The following PKP4 variants were observed in gnomAD, a reference collection of about 807,000 sequenced individuals.
The protein encoded by PKP4 is plakophilin-4.
PKP4 carries 90 observed loss-of-function variants against 145.1 expected under a neutral mutation model. That is an observed-to-expected ratio of 0.62 (90% CI 0.52 to 0.74). PKP4 has a LOEUF of 0.74. Ranked by LOEUF, PKP4 falls within the 30% of genes least tolerant of loss-of-function variation. PKP4 has a pLI of 0.00. For synonymous variants in PKP4, 563 were observed against 577.2 expected (o/e 0.98, Z 0.35); for missense variants, 1,340 against 1,482.7 (o/e 0.90, Z 1.58).
At chr2:158,463,138 A>C (rs1375928977) in intron 1 of PKP4, among the ~76,000 whole-genome samples, 2 of 152,210 alleles carry the variant, frequency 1.3e-5, no homozygotes, top group African/African-American at 4.8e-5. Flanking sequence ...AATCCAGCAC[A>C]GTAATTAAGG....
chr2:158,525,828 A>C (rs948246769), intron 1 of PKP4, among the ~76,000 whole-genome samples: 5 of 147,226 alleles, frequency 3.4e-5, no homozygotes, highest in Admixed American at 2.7e-4. Flanking sequence ...CAGAAATACA[A>C]ACTACCATCA....
At chr2:158,475,493 C>G (rs1559192534) in intron 1 of PKP4, among the ~76,000 whole-genome samples, 1 of 152,226 alleles carries the variant, frequency 6.6e-6, no homozygotes, top group Non-Finnish European at 1.5e-5. Context: ...CAGATTCTGT[C>G]TGTGCTCTGT....
At chr2:158,484,997 C>T (rs965533759) in intron 1 of PKP4, among the ~76,000 whole-genome samples, 1 of 152,176 alleles carries the variant, frequency 6.6e-6, no homozygotes, top group Non-Finnish European at 1.5e-5. Context: ...CAGTTCTCCC[C>T]AAGTGCCAGA....
intron 1 of PKP4, among the ~76,000 whole-genome samples, chr2:158,523,060 G>T: frequency 6.6e-6 from 1 of 152,020 alleles, no homozygotes; most frequent in Non-Finnish European, 1.5e-5. Context: ...GGGGAGGGGC[G>T]CCCGCCATTG....
At chr2:158,478,415 T>C (rs145774343) in intron 1 of PKP4, among the ~76,000 whole-genome samples, 2 of 152,276 alleles carry the variant, frequency 1.3e-5, no homozygotes, top group Non-Finnish European at 2.9e-5. Context: ...TTTTACATTC[T>C]TGTGTTTAAA....
At chr2:158,599,823 C>A (rs1007190287) in intron 3 of PKP4, among the ~76,000 whole-genome samples, 1 of 152,194 alleles carries the variant, frequency 6.6e-6, no homozygotes, top group Non-Finnish European at 1.5e-5. Flanking sequence ...CACCCTATCT[C>A]CACATGTGGC....
intron 2 of PKP4, among the ~76,000 whole-genome samples, chr2:158,575,261 C>G (rs2047747731): frequency 6.6e-6 from 1 of 152,176 alleles, no homozygotes; most frequent in Non-Finnish European, 1.5e-5. Flanking sequence ...AGAGAGAAAA[C>G]AAGTGTCCTC....
chr2:158,580,283 T>A (rs1263270603), intron 3 of PKP4, among the ~76,000 whole-genome samples: 1 of 152,324 alleles, frequency 6.6e-6, no homozygotes, highest in East Asian at 1.9e-4. Flanking sequence ...TTTTTTGTGG[T>A]TCCTGTCTGG....
chr2:158,681,169 T>A lies in PKP4; in HGVS notation c.*492T>A, dbSNP rs1003725434. 3 of 153,612 alleles carry A rather than the reference T, an allele frequency of 2.0e-5. No individual in the cohort carries two copies. Among genetic ancestry groups the A allele is most frequent in the Non-Finnish European group, 4.4e-5 (3 of 68,732 alleles). The allele number at this position is 153,612 out of a possible 1,614,324, so 9.5% of individuals were successfully genotyped here. A position where few individuals can be genotyped will look rare whatever the true frequency, so the allele number is the denominator to read the frequency against. ...GCCACATTGGTTAAGTGCCATCATT[T>A]GTAATGCAATGTGTCACTTGAAAAG... On this transcript the variant is annotated 3_prime_UTR_variant, in exon 22 of 22. Transcript: ENST00000389759.
chr2:158,668,874 G>A (rs1029646396), intron 16 of PKP4, among the ~76,000 whole-genome samples: 5 of 152,188 alleles, frequency 3.3e-5, no homozygotes, highest in African/African-American at 9.7e-5. Context: ...TAGCATAGGG[G>A]AGAACTAAGA....
chr2:158,550,541 G>A (rs796346250), intron 2 of PKP4, among the ~76,000 whole-genome samples: 15 of 152,296 alleles, frequency 9.8e-5, no homozygotes, highest in African/African-American at 3.4e-4. Flanking sequence ...ACTCCCTGAT[G>A]GGGTGTGATT....
At chr2:158,514,676 C>T (rs1445456258) in intron 1 of PKP4, among the ~76,000 whole-genome samples, 4 of 152,150 alleles carry the variant, frequency 2.6e-5, no homozygotes, top group East Asian at 3.9e-4. Flanking sequence ...TGTGGTGGCT[C>T]ACGCCTGTAA....
At chr2:158,483,352 T>C (rs1693652320) in intron 1 of PKP4, among the ~76,000 whole-genome samples, 1 of 137,812 alleles carries the variant, frequency 7.3e-6, no homozygotes, top group African/African-American at 2.7e-5. Context: ...AACAGATTGC[T>C]CTTCATTGCT....
At chr2:158,614,760 A>G (rs1405377341) in intron 4 of PKP4, among the ~76,000 whole-genome samples, 1 of 152,192 alleles carries the variant, frequency 6.6e-6, no homozygotes, top group Non-Finnish European at 1.5e-5. Flanking sequence ...TGATATAAAC[A>G]TGCCAAATAT....
At chr2:158,670,344 G>T (rs576799858) in intron 17 of PKP4, among the ~76,000 whole-genome samples, 1 of 152,172 alleles carries the variant, frequency 6.6e-6, no homozygotes, top group Non-Finnish European at 1.5e-5. Flanking sequence ...GTCCTTGCAC[G>T]GTAGAAGGAG....
chr2:158,547,114 A>G (rs1461042213), intron 2 of PKP4, among the ~76,000 whole-genome samples: 1 of 152,148 alleles, frequency 6.6e-6, no homozygotes, highest in Non-Finnish European at 1.5e-5. Flanking sequence ...GTTGGAAAAC[A>G]ATTTGATAAT....
chr2:158,644,071 A>C (rs2054595348), intron 11 of PKP4, among the ~76,000 whole-genome samples: 1 of 152,120 alleles, frequency 6.6e-6, no homozygotes, highest in South Asian at 2.1e-4. Context: ...CCGCCCATTT[A>C]GGGAACTTTT....
intron 1 of PKP4, among the ~76,000 whole-genome samples, chr2:158,462,680 T>A (rs767322251): frequency 6.6e-6 from 1 of 152,198 alleles, no homozygotes; most frequent in Non-Finnish European, 1.5e-5. Context: ...GTGAGGCTCA[T>A]GAAGTGTCAT....
At chr2:158,631,985 C>T (rs761215852) in intron 8 of PKP4, 44 bp downstream of exon 8, 4 of 1,555,828 alleles carry the variant, frequency 2.6e-6, no homozygotes, top group Non-Finnish European at 1.8e-6. Context: ...TTCATAGGCC[C>T]CACAGTAGAA....
Sources: gnomAD v4.1 joint callset for allele counts (sites outside exome capture counted in the v4.1 genomes callset) on GRCh38, gnomAD v4.1.1 for gene constraint, MANE v1.5 for transcripts, NCBI Gene and HGNC (gene_info 2026-07-23, HGNC 2026-07-21) for gene names.